NEK4: variants seen among roughly 807,000 people sequenced by gnomAD.
NEK4 encodes the protein NIMA related kinase 4, also known as serine/threonine-protein kinase Nek4.
NEK4 carries 86 observed loss-of-function variants against 98.4 expected under a neutral mutation model. That is an observed-to-expected ratio of 0.87 (90% CI 0.73 to 1.05). The LOEUF (loss-of-function observed/expected upper bound fraction) is 1.05. Among genes scored for constraint, NEK4 ranks in the 50% least tolerant of loss-of-function variants. The pLI is 0.00. For synonymous variants in NEK4, 328 were observed against 342.2 expected, an observed-to-expected ratio of 0.96 and a Z score of 0.46; for missense variants, 898 against 950.3, an observed-to-expected ratio of 0.94 and a Z score of 0.72.
At chr3:52,737,801 G>T (rs778659399) in intron 14 of NEK4, 82 bp from the exon 15 acceptor site, 3 of 1,027,630 alleles carry the variant, frequency 2.9e-6, no homozygotes, top group African/African-American at 1.6e-5. Flanking sequence ...TTAAAATTTT[G>T]TATTTTATTT....
chr3:52,760,941 A>G lies in NEK4; in HGVS notation c.822-5T>C. 1 of 1,550,572 alleles carries G rather than the reference A, an allele frequency of 6.4e-7. No homozygotes were observed. The highest frequency in any genetic ancestry group is 8.8e-7 in the Non-Finnish European group (1 of 1,136,992). On this transcript the variant is annotated splice_region_variant and splice_polypyrimidine_tract_variant and intron_variant, in intron 5 of 15. Coordinates refer to ENST00000233027, the MANE Select transcript of NEK4 (RefSeq NM_003157.6). ...ATGTTATTTTTGGAGGTTTTTCTTT[A>G]TAAAGAAGAAAAGAAAGAGTTATTA... is the stretch of plus-strand genomic sequence containing the variant.
At chr3:52,761,345 C>G (rs1165483171) in intron 5 of NEK4, among the ~76,000 whole-genome samples, 1 of 152,174 alleles carries the variant, frequency 6.6e-6, no homozygotes, top group Non-Finnish European at 1.5e-5. Flanking sequence ...GTGGCGTGAT[C>G]TCAGCTCACT....
chr3:52,733,342 T>G (rs1304165798), intron 15 of NEK4: 2 of 360,482 alleles, frequency 5.5e-6, no homozygotes, highest in East Asian at 1.4e-4. Context: ...ATCAAAGAAT[T>G]CATCCTGGAG....
chr3:52,766,757 C>T (rs1006564312), intron 2 of NEK4, among the ~76,000 whole-genome samples: 28 of 151,776 alleles, frequency 1.8e-4, no homozygotes, highest in African/African-American at 6.5e-4. Context: ...GAGGCCGAGG[C>T]GGGTGGATCA....
intron 6 of NEK4, among the ~76,000 whole-genome samples, chr3:52,752,848 C>T (rs887703142): frequency 2.1e-5 from 3 of 142,878 alleles, no homozygotes; most frequent in South Asian, 4.4e-4. Context: ...TGTAGTGAGC[C>T]GAGAGCCCGC....
chr3:52,729,915 C>A (rs1203918192), intron 15 of NEK4, among the ~76,000 whole-genome samples: 1 of 151,970 alleles, frequency 6.6e-6, no homozygotes. Flanking sequence ...TCAAGACCTC[C>A]TGGCCAACAC....
chr3:52,747,999 G>A (rs530129544), intron 8 of NEK4, among the ~76,000 whole-genome samples: 15 of 151,602 alleles, frequency 9.9e-5, no homozygotes, highest in Non-Finnish European at 1.6e-4. Flanking sequence ...TCGCTCTGTC[G>A]CCCAGGCTGG....
chr3:52,713,571 G>T (rs1578611364), intron 15 of NEK4, among the ~76,000 whole-genome samples: 1 of 152,088 alleles, frequency 6.6e-6, no homozygotes, highest in South Asian at 2.1e-4. Flanking sequence ...GAGGCAGGCG[G>T]ATCACCTGAG....
At chr3:52,728,448 C>T (rs1476648331) in intron 15 of NEK4, among the ~76,000 whole-genome samples, 1 of 152,322 alleles carries the variant, frequency 6.6e-6, no homozygotes, top group South Asian at 2.1e-4. Context: ...CCAAATAATA[C>T]TTTTATAATT....
chr3:52,737,813 A>T (rs758089824), intron 14 of NEK4, 94 bp from the exon 15 acceptor site: 1 of 918,740 alleles, frequency 1.1e-6, no homozygotes. Flanking sequence ...ATTTTATTTT[A>T]TTTATTTATT....
At chr3:52,717,782 A>AATT (rs765388008) in intron 15 of NEK4, among the ~76,000 whole-genome samples, 11 of 151,700 alleles carry the variant, frequency 7.3e-5, no homozygotes, top group East Asian at 1.9e-4. Flanking sequence ...ACTTTAATTA[A>AATT]ATTATTATTA....
chr3:52,728,597 T>C (rs1056974186), intron 15 of NEK4, among the ~76,000 whole-genome samples: 1 of 152,134 alleles, frequency 6.6e-6, no homozygotes, highest in Non-Finnish European at 1.5e-5. Context: ...CAATATGAAG[T>C]CAGTGCACCT....
Position 52,746,922 on chromosome 3 carries a change from G to A in NEK4, c.1507-18C>T. On this transcript the variant is annotated intron_variant, in intron 8 of 15. Transcript: ENST00000233027. Reference sequence around the variant, plus strand: ...ACTTGATCCTTAAAAACAATAAAATGACATTTTAAAGTATAGCAGCAACCT... The same window carrying A: ...ACTTGATCCTTAAAAACAATAAAATAACATTTTAAAGTATAGCAGCAACCT... 2 of 1,595,692 alleles carry A rather than the reference G, an allele frequency of 1.3e-6. No individual in the cohort carries two copies. The highest frequency in any genetic ancestry group is 8.6e-7 in the Non-Finnish European group (1 of 1,164,622).
intron 1 of NEK4, 141 bp from the exon 2 acceptor site, chr3:52,768,745 C>A: frequency 4.1e-6 from 3 of 727,510 alleles, no homozygotes; most frequent in South Asian, 1.8e-5. Context: ...TGTTTTTCAC[C>A]AAGCACAAAA....
intron 15 of NEK4, among the ~76,000 whole-genome samples, chr3:52,731,114 G>C (rs2097369226): frequency 6.6e-6 from 1 of 151,958 alleles, no homozygotes; most frequent in Non-Finnish European, 1.5e-5. Context: ...TAATATATTT[G>C]CCAATAACAA....
Position 52,768,341 on chromosome 3 carries a change from C to A in NEK4, c.357G>T (p.Leu119Phe). 1 of 1,614,100 alleles carries A rather than the reference C, an allele frequency of 6.2e-7. No individual in the cohort carries two copies. Among genetic ancestry groups the A allele is most frequent in the African/African-American group, 1.3e-5 (1 of 75,066 alleles). Residue 119 changes from leucine to phenylalanine, a missense_variant, in exon 2 of 16, where the codon TTG becomes TTT. Physicochemically the swap from Leu to Phe is conservative, Grantham distance 22. Transcript: ENST00000233027. Reference protein sequence around the residue: ...VEWFVQIAMALQYLHEKHILH... With the variant: ...VEWFVQIAMAFQYLHEKHILH... The stretch of plus-strand genomic sequence containing the variant: ...ATGCTATTAGTCTACACAGTACCTG[C>A]AAAGCCATGGCGATCTGTACAAACC...
chr3:52,714,633 G>T (rs1578613028), intron 15 of NEK4, among the ~76,000 whole-genome samples: 1 of 152,224 alleles, frequency 6.6e-6, no homozygotes, highest in East Asian at 1.9e-4. Flanking sequence ...TGCCCTGGAG[G>T]TTGCTAGGAT....
chr3:52,755,853 CAA>C (rs1388215137), intron 6 of NEK4, among the ~76,000 whole-genome samples: 1 of 152,126 alleles, frequency 6.6e-6, no homozygotes, highest in Non-Finnish European at 1.5e-5. Flanking sequence ...TAGCAAGAGG[CAA>C]AGTCAACATA....
At position 52,746,230 on chromosome 3, in the gene NEK4, A is replaced by T; in HGVS notation, c.1678-20T>A. 2.5e-6 allele frequency: 4 copies of T among 1,611,742 alleles called. No homozygotes were observed. The highest frequency in any genetic ancestry group is 2.5e-6 in the Non-Finnish European group (3 of 1,178,352). On this transcript the variant is annotated intron_variant, in intron 9 of 15. Transcript: ENST00000233027. ...TTGGAACTTAAATAATTAAAAAAGAAGATTATCAGTTTCATATATAGCCCC... is the reference window on the plus strand; with the variant it reads ...TTGGAACTTAAATAATTAAAAAAGATGATTATCAGTTTCATATATAGCCCC...
Sources: gnomAD v4.1 joint callset for allele counts (sites outside exome capture counted in the v4.1 genomes callset) on GRCh38, gnomAD v4.1.1 for gene constraint, MANE v1.5 for transcripts, NCBI Gene and HGNC (gene_info 2026-07-23, HGNC 2026-07-21) for gene names.